The following RANBP2 variants were observed in gnomAD, a reference collection of about 807,000 sequenced individuals.
RANBP2 encodes RAN binding protein 2.
A neutral mutation model predicts 303.6 loss-of-function variants in RANBP2; 57 were observed. That is an observed-to-expected ratio of 0.19 (90% CI 0.15 to 0.23). The LOEUF (loss-of-function observed/expected upper bound fraction) is 0.23. Among genes scored for constraint, RANBP2 ranks in the 10% least tolerant of loss-of-function variants. RANBP2 has a pLI of 1.00. For missense variants in RANBP2, 3,138 were observed against 3,780.8 expected, an observed-to-expected ratio of 0.83 and a Z score of 4.46; for synonymous variants, 1,167 against 1,301.5, an observed-to-expected ratio of 0.90 and a Z score of 2.23.
At chr2:109,494,071 G>A in the RANBP2 span, among the ~76,000 whole-genome samples, 2 of 152,170 alleles carry the variant, frequency 1.3e-5, no homozygotes, top group African/African-American at 4.8e-5. Flanking sequence ...CAGACTTTGG[G>A]ATAGTTCAAA....
chr2:108,944,761 G>A, the RANBP2 span, among the ~76,000 whole-genome samples: 2 of 152,150 alleles, frequency 1.3e-5, no homozygotes, highest in Non-Finnish European at 1.5e-5. Context: ...GCACAGAGCC[G>A]GTCCCAGACC....
chr2:108,970,271 C>T, the RANBP2 span, among the ~76,000 whole-genome samples: 7 of 152,148 alleles, frequency 4.6e-5, no homozygotes, highest in African/African-American at 1.7e-4. Context: ...GTTAAAGAAG[C>T]TTCTTTACGA....
At chr2:108,786,900 C>A, downstream of RANBP2, 1 of 1,548,696 alleles carries the variant, frequency 6.5e-7, no homozygotes, top group African/African-American at 1.4e-5. Context: ...GACTCGGGGG[C>A]AGCTGCCCCG....
the RANBP2 span, among the ~76,000 whole-genome samples, chr2:109,336,065 C>A: frequency 1.3e-5 from 2 of 152,308 alleles, no homozygotes; most frequent in East Asian, 3.9e-4. Flanking sequence ...GCATTCCTCT[C>A]CCTACATTTT....
At chr2:108,805,777 CAT>C in the RANBP2 span, among the ~76,000 whole-genome samples, 1 of 151,956 alleles carries the variant, frequency 6.6e-6, no homozygotes, top group Non-Finnish European at 1.5e-5. Context: ...AGTTGCATAA[CAT>C]AAATAGTTTT....
the RANBP2 span, among the ~76,000 whole-genome samples, chr2:109,273,885 G>A: frequency 6.6e-6 from 1 of 152,162 alleles, no homozygotes; most frequent in Non-Finnish European, 1.5e-5. Context: ...TAGGCTGCTA[G>A]ATGAAGAATA....
the RANBP2 span, among the ~76,000 whole-genome samples, chr2:108,853,713 A>G: frequency 6.7e-6 from 1 of 148,230 alleles, no homozygotes; most frequent in Non-Finnish European, 1.5e-5. Context: ...TTTTGTAGAG[A>G]TGAGCTCTTG....
At chr2:108,790,065 T>C (rs1032017606), downstream of RANBP2, among the ~76,000 whole-genome samples, 3 of 152,204 alleles carry the variant, frequency 2.0e-5, no homozygotes, top group African/African-American at 7.2e-5. Flanking sequence ...TACAGTTTTC[T>C]CTTTCTCTAC....
At chr2:108,916,053 C>A in the RANBP2 span, among the ~76,000 whole-genome samples, 1 of 152,170 alleles carries the variant, frequency 6.6e-6, no homozygotes, top group African/African-American at 2.4e-5. Flanking sequence ...GATAAGGAGG[C>A]TTCAGATTGT....
chr2:109,505,703 A>C, the RANBP2 span, among the ~76,000 whole-genome samples: 1 of 152,126 alleles, frequency 6.6e-6, no homozygotes, highest in Non-Finnish European at 1.5e-5. Flanking sequence ...TAAGAGGTTA[A>C]ATGAATTGCC....
At chr2:109,243,690 A>G in the RANBP2 span, among the ~76,000 whole-genome samples, 6 of 152,192 alleles carry the variant, frequency 3.9e-5, no homozygotes, top group East Asian at 1.2e-3. Flanking sequence ...GTCGGGGACA[A>G]TCGCCTGGTA....
At chr2:108,808,482 A>G in the RANBP2 span, among the ~76,000 whole-genome samples, 1 of 152,152 alleles carries the variant, frequency 6.6e-6, no homozygotes, top group Non-Finnish European at 1.5e-5. Context: ...CCCACCAACA[A>G]TGTAAAAGAG....
At chr2:109,053,533 T>C in the RANBP2 span, among the ~76,000 whole-genome samples, 1 of 152,208 alleles carries the variant, frequency 6.6e-6, no homozygotes, top group Non-Finnish European at 1.5e-5. Flanking sequence ...GTGGAGCCCT[T>C]TCAGACCAGA....
the RANBP2 span, among the ~76,000 whole-genome samples, chr2:109,367,121 T>TTTTC: frequency 1.3e-5 from 1 of 75,586 alleles, no homozygotes; most frequent in African/African-American, 7.7e-5. Context: ...CCCTGGTAAT[T>TTTTC]TTTTTTTTTT....
chr2:109,218,918 C>T, the RANBP2 span, among the ~76,000 whole-genome samples: 2 of 152,214 alleles, frequency 1.3e-5, no homozygotes, highest in East Asian at 3.8e-4. Flanking sequence ...GGTGAGAGCC[C>T]TGCCTTCCCT....
At chr2:109,022,266 A>G in the RANBP2 span, among the ~76,000 whole-genome samples, 1 of 152,258 alleles carries the variant, frequency 6.6e-6, no homozygotes, top group Non-Finnish European at 1.5e-5. Context: ...TAAACGCCTC[A>G]ATAACCAGCA....
the RANBP2 span, among the ~76,000 whole-genome samples, chr2:109,719,806 A>G: frequency 4.6e-5 from 7 of 152,334 alleles, no homozygotes; most frequent in Non-Finnish European, 5.9e-5. Context: ...AGGCCTTTTC[A>G]TAAGCATCGA....
the RANBP2 span, among the ~76,000 whole-genome samples, chr2:108,853,523 GCTTT>G: frequency 4.7e-5 from 7 of 149,908 alleles, no homozygotes; most frequent in Non-Finnish European, 7.4e-5. Context: ...TTTACTGATA[GCTTT>G]CTTTTTTTTT....
At chr2:108,856,449 A>G in the RANBP2 span, among the ~76,000 whole-genome samples, 3 of 152,228 alleles carry the variant, frequency 2.0e-5, no homozygotes, top group African/African-American at 7.2e-5. Flanking sequence ...TAGAAATACT[A>G]AGTTTTTGGA....
Sources: gnomAD v4.1 joint callset for allele counts (sites outside exome capture counted in the v4.1 genomes callset) on GRCh38, gnomAD v4.1.1 for gene constraint, MANE v1.5 for transcripts, NCBI Gene and HGNC (gene_info 2026-07-23, HGNC 2026-07-21) for gene names.